TCOF1: variants seen among roughly 807,000 people sequenced by gnomAD.
TCOF1 encodes treacle protein.
Under a neutral mutation model 149.0 loss-of-function variants are expected in TCOF1, and 33 were observed. The ratio of observed to expected loss-of-function variants is 0.22; its 90% CI spans 0.17 to 0.30. The LOEUF is 0.30. TCOF1 is among the 10% of genes least tolerant of loss of function. The pLI is 1.00. For missense variants in TCOF1, 1,728 were observed against 1,840.7 expected (o/e 0.94, Z 1.12); for synonymous variants, 789 against 738.8 (o/e 1.07, Z -1.10).
rs1172351654 is a variant in TCOF1, at chr5:150,399,054, A to G, written c.*6A>G. On this transcript the variant is annotated 3_prime_UTR_variant, in exon 26 of 27. Transcript: ENST00000643257. Reference sequence around the variant, plus strand: ...CAGCAGAGCAGACTGTATGACGAGCACCAGCACCAGGCACAGGTACGCTTC... The same window carrying G: ...CAGCAGAGCAGACTGTATGACGAGCGCCAGCACCAGGCACAGGTACGCTTC... 6.2e-7 allele frequency: 1 copy of G among 1,614,224 alleles called. No homozygotes were observed. Among genetic ancestry groups the G allele is most frequent in the Admixed American group, 1.7e-5 (1 of 60,030 alleles).
Position 150,377,997 on chromosome 5 carries a change from T to C in TCOF1, c.2341-908T>C, listed in dbSNP as rs146595256. ...ATTGAGACTTGTTAGGTCAAGTCAG[T>C]CTTGTGTCTTGTTTCTTGTGGAAAA... is the stretch of plus-strand genomic sequence containing the variant. On this transcript the variant is annotated intron_variant, in intron 14 of 26. Coordinates refer to ENST00000643257, the MANE Select transcript of TCOF1 (RefSeq NM_001371623.1). 1.3e-3 allele frequency among the ~76,000 whole-genome samples: 193 copies of C among 152,204 alleles called. 1 individual carries two copies. Among genetic ancestry groups the C allele is most frequent in the Non-Finnish European group, 2.6e-3 (174 of 68,044 alleles).
chr5:150,396,840 AGAGT>A lies in TCOF1; in HGVS notation c.4345+5_4345+8del. 3 of 1,594,252 alleles carry A rather than the reference AGAGT, an allele frequency of 1.9e-6. No homozygotes were observed. The highest frequency in any genetic ancestry group is 2.6e-6 in the Non-Finnish European group (3 of 1,171,040). ...AAGAAGGAGAAGAAGAAATCCGACA[AGAGT>A]GAGTGACCGCTTCTCCCAGCCCACC... On this transcript the variant is annotated splice_donor_variant and coding_sequence_variant, in exon 24 of 27. Coordinates refer to ENST00000643257, the MANE Select transcript of TCOF1 (RefSeq NM_001371623.1). LOFTEE classifies it high-confidence loss of function.
chr5:150,383,969 G>A (rs999692155), intron 17 of TCOF1: 3 of 1,432,392 alleles, frequency 2.1e-6, no homozygotes, highest in African/African-American at 2.9e-5. Context: ...CCATCAGACA[G>A]CATTACCCTT....
At chr5:150,384,620 A>G (rs538156645) in intron 17 of TCOF1, 2 of 985,478 alleles carry the variant, frequency 2.0e-6, no homozygotes, top group African/African-American at 3.5e-5. Flanking sequence ...ATTAAAATGA[A>G]CATCCTGCTT....
At chr5:150,383,930 T>C (rs1765753734) in intron 17 of TCOF1, 1 of 1,487,398 alleles carries the variant, frequency 6.7e-7, no homozygotes, top group African/African-American at 1.4e-5. Flanking sequence ...GCTGGTGTGG[T>C]CCAAGCTTCT....
Position 150,391,529 on chromosome 5 carries a change from T to A in TCOF1, c.3184-15T>A. 1 of 1,607,142 alleles carries A rather than the reference T, an allele frequency of 6.2e-7. No homozygotes were observed. Among genetic ancestry groups the A allele is most frequent in the South Asian group, 1.1e-5 (1 of 90,942 alleles). On this transcript the variant is annotated splice_polypyrimidine_tract_variant and intron_variant, in intron 19 of 26. Transcript: ENST00000643257. ...AGGACTTGTGAGTCTGAGGGCTACC[T>A]CTTGCCACCCACAGGTGTCAAAGAA...
intron 3 of TCOF1, among the ~76,000 whole-genome samples, chr5:150,366,560 C>G (rs1440635025): frequency 6.6e-6 from 1 of 151,734 alleles, no homozygotes; most frequent in Non-Finnish European, 1.5e-5. Flanking sequence ...AAAAATTTTC[C>G]ATAATTACAG....
Position 150,376,329 on chromosome 5 carries a change from A to C in TCOF1, c.2141A>C (p.Gln714Pro). The C allele has an allele frequency of 1.2e-6, 2 of 1,614,174 alleles. No individual in the cohort carries two copies. Among genetic ancestry groups the C allele is most frequent in the Non-Finnish European group, 1.7e-6 (2 of 1,180,000 alleles). Reference sequence around the variant, plus strand: ...ACAGGTCTTGCAGTAACCGTGGGACAGGTGAGGCCTGTGTTTTCTGGGCGG... The same window carrying C: ...ACAGGTCTTGCAGTAACCGTGGGACCGGTGAGGCCTGTGTTTTCTGGGCGG... ...EKTGLAVTVG[Q>P]AKSVGKGLQV... The change falls in exon 13 of 27, where the codon CAG becomes CCG. Residue 714 changes from glutamine (Q) to proline (P), a missense_variant and splice_region_variant. Gln to Pro is a moderately conservative substitution (Grantham distance 76, BLOSUM62 -1). This residue lies in a region of TCOF1 where 1,696 missense variants were observed against 1,765.4 expected (regional missense o/e 0.96). Transcript: ENST00000643257.
In TCOF1 at chr5:150,399,159, G is replaced by C. The variant is rs372838283; in HGVS notation, c.*22+89G>C. ...CCCAGAGAGCCAGGCAGACCTGATA[G>C]GTGGGCTCTAAGGGGAAAGGAGGCT... On this transcript the variant is annotated intron_variant, in intron 26 of 26. Coordinates refer to ENST00000643257, the MANE Select transcript of TCOF1 (RefSeq NM_001371623.1). 6 of 1,576,076 alleles carry C rather than the reference G, an allele frequency of 3.8e-6. No homozygotes were observed. The South Asian group carries it at 6.7e-5, about 18-fold the overall frequency.
At chr5:150,360,753 T>TA (rs1218127609) in intron 1 of TCOF1, among the ~76,000 whole-genome samples, 1 of 149,248 alleles carries the variant, frequency 6.7e-6, no homozygotes. Context: ...TTTTTTTTTT[T>TA]AAAGAAAGGG....
intron 8 of TCOF1, 75 bp downstream of exon 8, chr5:150,374,461 T>C (rs1205347880): frequency 1.3e-6 from 2 of 1,548,740 alleles, no homozygotes; most frequent in Non-Finnish European, 8.7e-7. Flanking sequence ...GTTCTCCCAC[T>C]CTGGGCCAGA....
chr5:150,376,399 C>T, intron 13 of TCOF1, 24 bp from the exon 14 acceptor site: 2 of 1,614,186 alleles, frequency 1.2e-6, no homozygotes, highest in Non-Finnish European at 1.7e-6. Flanking sequence ...CCTGGAGACA[C>T]CTCTCTTCCC....
intron 6 of TCOF1, among the ~76,000 whole-genome samples, chr5:150,369,968 G>T (rs1402219865): frequency 6.6e-6 from 1 of 152,192 alleles, no homozygotes; most frequent in Non-Finnish European, 1.5e-5. Flanking sequence ...GGGCCCAGAG[G>T]CAACAGTGTG....
chr5:150,396,201 T>G, intron 23 of TCOF1, 81 bp from the exon 24 acceptor site: 1 of 1,511,462 alleles, frequency 6.6e-7, no homozygotes, highest in Non-Finnish European at 9.2e-7. Context: ...AGTCACTCCC[T>G]GCACCCTCTT....
intron 23 of TCOF1, chr5:150,394,753 C>T (rs958488948): frequency 4.6e-5 from 7 of 152,102 alleles, no homozygotes; most frequent in African/African-American, 1.7e-4. Context: ...CTTGTCTCTA[C>T]TAAAAATACA....
rs73270853 is a variant in TCOF1 at position 150,387,092 on chromosome 5, A to G, written c.2860-810A>G. Among the ~76,000 whole-genome samples, 1,390 of 152,286 alleles carry G rather than the reference A, an allele frequency of 9.1e-3. 21 individuals are homozygous for G. Among genetic ancestry groups the G allele is most frequent in the African/African-American group, 0.03 (1,264 of 41,554 alleles). On this transcript the variant is annotated intron_variant, in intron 17 of 26. Coordinates refer to ENST00000643257, the MANE Select transcript of TCOF1 (RefSeq NM_001371623.1). ...GATTACTTTGCAGCCAGTCTCAGAC[A>G]TGTCAGCTCATCCACCAGGATTTCA...
chr5:150,387,843 C>T (rs532528670), intron 17 of TCOF1, 59 bp from the exon 18 acceptor site: 1 of 1,610,992 alleles, frequency 6.2e-7, no homozygotes, highest in African/African-American at 1.3e-5. Context: ...ACCCCATCAC[C>T]TCCTTTCCCT....
At chr5:150,372,296 A>C (rs1275448103) in intron 7 of TCOF1, 60 bp downstream of exon 7, 5 of 1,463,948 alleles carry the variant, frequency 3.4e-6, no homozygotes, top group Non-Finnish European at 3.7e-6. Flanking sequence ...CAGCCTGAGC[A>C]CTCTGCCATG....
intron 12 of TCOF1, 34 bp from the exon 13 acceptor site, chr5:150,376,047 GA>G (rs1562360088): frequency 6.2e-7 from 1 of 1,613,362 alleles, no homozygotes; most frequent in South Asian, 1.1e-5. Flanking sequence ...CTGAGTTCAG[GA>G]ACCTTCTCCA....
Sources: allele counts gnomAD v4.1 joint callset (sites outside exome capture counted in the v4.1 genomes callset), GRCh38; gene constraint gnomAD v4.1.1; regional missense constraint gnomAD v4.1.1; transcripts MANE v1.5; gene names NCBI Gene and HGNC (gene_info 2026-07-23, HGNC 2026-07-21).